Variants in NIPBL observed in about 807,000 individuals in gnomAD.
The protein encoded by NIPBL is NIPBL cohesin loading factor, also known as nipped-B-like protein.
In NIPBL, 19 loss-of-function variants were observed where a neutral mutation model predicts 321.8. The ratio of observed to expected loss-of-function variants is 0.06; its 90% CI spans 0.04 to 0.09. The LOEUF (loss-of-function observed/expected upper bound fraction) is 0.09. Among genes scored for constraint, NIPBL ranks in the 10% least tolerant of loss-of-function variants. The probability of loss-of-function intolerance (pLI) is 1.00; values close to 1 mark genes in which losing one functional copy is unlikely to be tolerated. For missense variants in NIPBL, 2,210 were observed against 3,327.0 expected (o/e 0.66, Z 8.26); for synonymous variants, 1,106 against 1,114.1 (o/e 0.99, Z 0.14).
At position 36,953,750 on chromosome 5, in the gene NIPBL, T is replaced by G; in HGVS notation, c.54T>G (p.Ser18Arg). The G allele has an allele frequency of 6.2e-7, 1 of 1,613,182 alleles. No homozygotes were observed. The change falls in exon 2 of 47, where the codon AGT becomes AGG. Residue 18 changes from serine (S) to arginine (R), a missense_variant. This residue lies in a region of NIPBL where 28 missense variants were observed against 65.5 expected (regional missense o/e 0.43). Coordinates refer to ENST00000282516, the MANE Select transcript of NIPBL (RefSeq NM_133433.4). ...VPITTLAGIA[S>R]LTDLLNQLPL... The stretch of plus-strand genomic sequence containing the variant: ...TTACTACTCTTGCGGGGATTGCTAG[T>G]CTCACAGACCGTAAGTTTGGTTAAT...
chr5:37,040,006 A>G (rs1028925991), intron 34 of NIPBL, among the ~76,000 whole-genome samples: 3 of 152,152 alleles, frequency 2.0e-5, no homozygotes, highest in African/African-American at 7.2e-5. Context: ...AGTAAGTACT[A>G]TTATGATCTC....
chr5:36,899,039 A>G (rs1278753483), intron 1 of NIPBL, among the ~76,000 whole-genome samples: 2 of 152,106 alleles, frequency 1.3e-5, no homozygotes, highest in Non-Finnish European at 2.9e-5. Context: ...TGCTTTGGGA[A>G]ATCGAAGAAA....
chr5:37,019,860 T>A (rs999161040), intron 25 of NIPBL, among the ~76,000 whole-genome samples: 2 of 152,198 alleles, frequency 1.3e-5, no homozygotes, highest in African/African-American at 2.4e-5. Flanking sequence ...TTATAAACTA[T>A]TATTTGAGAA....
At chr5:37,005,807 G>C (rs1472661201) in intron 16 of NIPBL, among the ~76,000 whole-genome samples, 1 of 152,054 alleles carries the variant, frequency 6.6e-6, no homozygotes, top group Non-Finnish European at 1.5e-5. Context: ...TCTTCTGTCA[G>C]TTCTTAAATT....
chr5:36,952,232 G>C (rs1199916573), intron 1 of NIPBL, among the ~76,000 whole-genome samples: 3 of 151,872 alleles, frequency 2.0e-5, no homozygotes, highest in Admixed American at 6.6e-5. Flanking sequence ...ATGAGTAAGG[G>C]AAATTATCAG....
chr5:36,963,372 T>C (rs1209871778), intron 6 of NIPBL, among the ~76,000 whole-genome samples: 1 of 152,198 alleles, frequency 6.6e-6, no homozygotes, highest in East Asian at 1.9e-4. Flanking sequence ...AATAAACTTA[T>C]TAATGTATAA....
chr5:37,051,644 A>C (rs1753556810), intron 40 of NIPBL, 135 bp from the exon 41 acceptor site: 3 of 659,482 alleles, frequency 4.5e-6, no homozygotes, highest in Non-Finnish European at 8.1e-6. Flanking sequence ...TAAAAAGAAC[A>C]CTAAAACATA....
At chr5:36,986,381 T>C in intron 10 of NIPBL, 80 bp downstream of exon 10, 1 of 1,007,256 alleles carries the variant, frequency 9.9e-7, no homozygotes, top group Non-Finnish European at 1.3e-6. Flanking sequence ...AAAGGAAATT[T>C]ACAAAAATTA....
At chr5:36,946,870 G>T (rs1739742924) in intron 1 of NIPBL, among the ~76,000 whole-genome samples, 1 of 151,924 alleles carries the variant, frequency 6.6e-6, no homozygotes, top group African/African-American at 2.4e-5. Flanking sequence ...GTTTGCTGTA[G>T]GTTTATCTTT....
intron 16 of NIPBL, among the ~76,000 whole-genome samples, chr5:37,005,972 C>T (rs1407253717): frequency 1.3e-5 from 2 of 152,046 alleles, no homozygotes; most frequent in Non-Finnish European, 2.9e-5. Context: ...GCTTTGTTAT[C>T]ACAGCAGCAA....
chr5:36,926,934 T>C (rs968043558), intron 1 of NIPBL, among the ~76,000 whole-genome samples: 2 of 152,190 alleles, frequency 1.3e-5, no homozygotes, highest in African/African-American at 2.4e-5. Flanking sequence ...TTTAAACAGT[T>C]ATTAGAATCA....
chr5:37,018,565 T>G (rs1309948608), intron 24 of NIPBL, among the ~76,000 whole-genome samples: 1 of 152,166 alleles, frequency 6.6e-6, no homozygotes, highest in Non-Finnish European at 1.5e-5. Context: ...GTTGGTGAAT[T>G]GTAATGTAGA....
intron 40 of NIPBL, among the ~76,000 whole-genome samples, chr5:37,049,598 C>T (rs1309798396): frequency 6.6e-6 from 1 of 152,068 alleles, no homozygotes; most frequent in Non-Finnish European, 1.5e-5. Flanking sequence ...ACTTTTGTCC[C>T]TAAGATCCAA....
rs1348522977 is a variant in NIPBL, at chr5:36,956,913, C to A, written c.231-1191C>A. 3.3e-5 allele frequency among the ~76,000 whole-genome samples: 5 copies of A among 152,194 alleles called. No individual in the cohort carries two copies. The East Asian group carries it at 9.7e-4, about 29-fold the overall frequency. On this transcript the variant is annotated intron_variant, in intron 3 of 46. Transcript: ENST00000282516. ...GTGCTAGGATTATAGGTGTGAGCCA[C>A]TGTGCCCAGCCTCTAAATCACTTCT...
intron 1 of NIPBL, among the ~76,000 whole-genome samples, chr5:36,887,752 T>C (rs566722408): frequency 1.3e-5 from 2 of 152,286 alleles, no homozygotes; most frequent in Middle Eastern, 6.8e-3. Flanking sequence ...CAAATCTATC[T>C]CCAGAATATA....
chr5:37,024,369 A>G (rs1228563669), intron 29 of NIPBL, among the ~76,000 whole-genome samples: 4 of 152,226 alleles, frequency 2.6e-5, no homozygotes, highest in Admixed American at 2.0e-4. Flanking sequence ...ACTATAAAAT[A>G]TGTTTCTATG....
At chr5:36,931,134 C>G (rs1460385429) in intron 1 of NIPBL, among the ~76,000 whole-genome samples, 3 of 151,990 alleles carry the variant, frequency 2.0e-5, no homozygotes, top group Non-Finnish European at 2.9e-5. Flanking sequence ...TCGTCTGTGC[C>G]TAGGCTTTCT....
chr5:37,014,553 T>C (rs1242359416), intron 21 of NIPBL, 130 bp from the exon 22 acceptor site: 1 of 600,080 alleles, frequency 1.7e-6, no homozygotes, highest in Non-Finnish European at 3.0e-6. Context: ...TCTCTTATTA[T>C]ATATAATGTA....
At chr5:36,910,411 C>T (rs1289437500) in intron 1 of NIPBL, among the ~76,000 whole-genome samples, 1 of 152,114 alleles carries the variant, frequency 6.6e-6, no homozygotes, top group Non-Finnish European at 1.5e-5. Context: ...ATCATGGGCA[C>T]CTTAGGCTCA....
Sources: gnomAD v4.1 joint callset for allele counts (sites outside exome capture counted in the v4.1 genomes callset) on GRCh38, gnomAD v4.1.1 for gene constraint, gnomAD v4.1.1 regional missense constraint, MANE v1.5 for transcripts, NCBI Gene and HGNC (gene_info 2026-07-23, HGNC 2026-07-21) for gene names.